TDRD12: variants seen among roughly 807,000 people sequenced by gnomAD.
The protein encoded by TDRD12 is putative ATP-dependent RNA helicase TDRD12.
Under a neutral mutation model 133.5 loss-of-function variants are expected in TDRD12, and 158 were observed. The ratio of observed to expected loss-of-function variants is 1.18; its 90% CI spans 1.04 to 1.35. TDRD12 has a LOEUF of 1.35. TDRD12 is among the 40% of genes most tolerant of loss of function. The pLI is 0.00. For missense variants in TDRD12, 1,443 were observed against 1,321.3 expected (o/e 1.09, Z -1.43); for synonymous variants, 460 against 477.9 (o/e 0.96, Z 0.49).
At chr19:32,770,047 C>T (rs1194806191) in intron 8 of TDRD12, among the ~76,000 whole-genome samples, 2 of 150,496 alleles carry the variant, frequency 1.3e-5, no homozygotes, top group East Asian at 3.9e-4. Flanking sequence ...GGCTGGAGTG[C>T]AGTGGCTCAC....
chr19:32,806,848 G>A (rs191696938), intron 21 of TDRD12, among the ~76,000 whole-genome samples: 1 of 151,668 alleles, frequency 6.6e-6, no homozygotes, highest in Non-Finnish European at 1.5e-5. Context: ...TTTTAGTAGA[G>A]ACGGGGTTTC....
At chr19:32,781,238 G>A (rs1443871354) in intron 11 of TDRD12, among the ~76,000 whole-genome samples, 2 of 152,104 alleles carry the variant, frequency 1.3e-5, no homozygotes, top group African/African-American at 4.8e-5. Flanking sequence ...CACCGCGCTC[G>A]GCCATTTTTA....
intron 11 of TDRD12, among the ~76,000 whole-genome samples, chr19:32,788,149 G>C (rs1354657359): frequency 6.6e-6 from 1 of 150,490 alleles, no homozygotes; most frequent in African/African-American, 2.5e-5. Flanking sequence ...TTGAAATGGA[G>C]TCTCGCTCTT....
chr19:32,777,148 G>A lies in TDRD12; in HGVS notation c.1041-1G>A. ...AATGAATTTTTTTTTTTCATTTCTAGTGCTTTAAGTCAGAAGTCAAATGAG... is the reference window on the plus strand; with the variant it reads ...AATGAATTTTTTTTTTTCATTTCTAATGCTTTAAGTCAGAAGTCAAATGAG... On this transcript the variant is annotated splice_acceptor_variant, in intron 10 of 27. Coordinates refer to ENST00000444215, the Ensembl canonical transcript of TDRD12. LOFTEE classifies it high-confidence loss of function. 1.3e-6 allele frequency: 2 copies of A among 1,530,194 alleles called. No individual in the cohort carries two copies. Among genetic ancestry groups the A allele is most frequent in the Non-Finnish European group, 1.8e-6 (2 of 1,138,264 alleles). 94.8% of individuals were successfully genotyped at this position (1,530,194 alleles called of 1,614,324 possible).
intron 11 of TDRD12, among the ~76,000 whole-genome samples, chr19:32,778,785 C>G (rs1970680997): frequency 6.6e-6 from 1 of 152,196 alleles, no homozygotes; most frequent in Non-Finnish European, 1.5e-5. Flanking sequence ...CAGGAGTGAG[C>G]CACTGTGCCC....
At chr19:32,796,401 ATGGTGAAACCC>A (rs1196150183) in intron 14 of TDRD12, among the ~76,000 whole-genome samples, 1 of 152,154 alleles carries the variant, frequency 6.6e-6, no homozygotes, top group South Asian at 2.1e-4. Context: ...CCTGGCCAAC[ATGGTGAAACCC>A]TGTCTCTACT....
intron 13 of TDRD12, among the ~76,000 whole-genome samples, chr19:32,792,135 A>G (rs1194788632): frequency 6.6e-6 from 1 of 152,020 alleles, no homozygotes; most frequent in Admixed American, 6.6e-5. Flanking sequence ...AGTCCCAGCT[A>G]CTTGGGAGGC....
At chr19:32,811,528 G>A in intron 24 of TDRD12, 108 bp downstream of exon 24, 1 of 1,062,460 alleles carries the variant, frequency 9.4e-7, no homozygotes, top group Non-Finnish European at 1.4e-6. Context: ...GTTTGGGCAG[G>A]GAAAGTGCAG....
chr19:32,757,221 A>G, intron 8 of TDRD12, 91 bp downstream of exon 8: 2 of 1,030,724 alleles, frequency 1.9e-6, no homozygotes, highest in Non-Finnish European at 2.9e-6. Flanking sequence ...TAGAAAGGCC[A>G]TGGTAATTCT....
At chr19:32,738,203 C>T (rs1367602795) in intron 2 of TDRD12, among the ~76,000 whole-genome samples, 2 of 152,178 alleles carry the variant, frequency 1.3e-5, no homozygotes, top group Non-Finnish European at 2.9e-5. Context: ...TCCTGTTGGT[C>T]AGACACATGA....
At chr19:32,731,410 A>T (rs1406704589) in intron 1 of TDRD12, among the ~76,000 whole-genome samples, 1 of 151,984 alleles carries the variant, frequency 6.6e-6, no homozygotes, top group African/African-American at 2.4e-5. Flanking sequence ...TAATTAAAAA[A>T]ATTTTTTTTA....
chr19:32,790,846 A>G (rs1248663537), intron 12 of TDRD12, 118 bp from the exon 13 acceptor site: 3 of 1,450,984 alleles, frequency 2.1e-6, no homozygotes, highest in East Asian at 2.5e-5. Context: ...TTAAGTAAGC[A>G]TATATACCCA....
intron 25 of TDRD12, among the ~76,000 whole-genome samples, chr19:32,814,656 T>C (rs755252777): frequency 2.5e-4 from 38 of 152,000 alleles, no homozygotes; most frequent in Non-Finnish European, 5.4e-4. Flanking sequence ...GAGATTGAAG[T>C]AAAAAAGAAA....
chr19:32,732,686 T>G (rs1969095706), intron 2 of TDRD12, among the ~76,000 whole-genome samples: 1 of 152,162 alleles, frequency 6.6e-6, no homozygotes, highest in Non-Finnish European at 1.5e-5. Context: ...TTTGTAATGG[T>G]ATAATAGGAA....
At chr19:32,780,259 T>C (rs1970723697) in intron 11 of TDRD12, among the ~76,000 whole-genome samples, 1 of 152,074 alleles carries the variant, frequency 6.6e-6, no homozygotes, top group East Asian at 1.9e-4. Flanking sequence ...AACTTTTTTG[T>C]ATTTTTAATA....
At chr19:32,788,001 A>G (rs892698327) in intron 11 of TDRD12, among the ~76,000 whole-genome samples, 1 of 152,110 alleles carries the variant, frequency 6.6e-6, no homozygotes, top group African/African-American at 2.4e-5. Context: ...AAATGCAGAA[A>G]TCACCCATCT....
intron 21 of TDRD12, among the ~76,000 whole-genome samples, chr19:32,806,509 ATTT>A (rs1258529814): frequency 1.3e-5 from 2 of 150,940 alleles, no homozygotes; most frequent in African/African-American, 4.9e-5. Context: ...CACCTGGCTA[ATTT>A]TTGTATTTTT....
exon 23 of TDRD12, chr19:32,810,246 T>C (rs1966955418): frequency 2.0e-6 from 3 of 1,525,638 alleles, no homozygotes; most frequent in Non-Finnish European, 2.6e-6. Flanking sequence ...GTTTGGATTG[T>C]ATGGATTAGC....
chr19:32,813,546 T>C (rs1443803345), intron 24 of TDRD12, 138 bp from the exon 25 acceptor site: 1 of 577,998 alleles, frequency 1.7e-6, no homozygotes, highest in East Asian at 3.0e-5. Context: ...CGAGAGGGGG[T>C]GATGACCTCT....
Sources: gnomAD v4.1 joint callset for allele counts (sites outside exome capture counted in the v4.1 genomes callset) on GRCh38, gnomAD v4.1.1 for gene constraint, MANE v1.5 for transcripts, NCBI Gene and HGNC (gene_info 2026-07-23, HGNC 2026-07-21) for gene names.